NR2C2: variants seen among roughly 807,000 people sequenced by gnomAD.
NR2C2 encodes Nuclear hormone receptor TR4.
NR2C2 carries 6 observed loss-of-function variants against 62.9 expected under a neutral mutation model. The observed-to-expected ratio is 0.10, with a 90% CI of 0.05 to 0.19. The LOEUF (loss-of-function observed/expected upper bound fraction) is 0.19. Ranked by LOEUF, NR2C2 falls within the 10% of genes least tolerant of loss-of-function variation. The pLI, the probability that NR2C2 is intolerant of heterozygous loss-of-function variation, is 1.00. For synonymous variants in NR2C2, 272 were observed against 273.8 expected, an observed-to-expected ratio of 0.99 and a Z score of 0.07; for missense variants, 479 against 762.7, an observed-to-expected ratio of 0.63 and a Z score of 4.38.
At chr3:14,951,988 C>T (rs553680387) in intron 1 of NR2C2, among the ~76,000 whole-genome samples, 13 of 152,278 alleles carry the variant, frequency 8.5e-5, no homozygotes, top group Non-Finnish European at 1.3e-4. Flanking sequence ...CCTCGTGATC[C>T]GCCTGCCTCG....
rs545088918 is a variant in NR2C2, at chr3:15,008,942, C to T, written c.73-4647C>T. Among the ~76,000 whole-genome samples the T allele has an allele frequency of 1.1e-3, 169 of 152,180 alleles. 1 individual carries two copies. The highest frequency in any genetic ancestry group is 2.2e-3 in the Non-Finnish European group (148 of 67,982). On this transcript the variant is annotated intron_variant, in intron 2 of 13. Transcript: ENST00000425241. ...GACTATAATAAATATGGTACTTGGT[C>T]GGGCGCGGCGGCTAGTGCCTATAAT...
intron 1 of NR2C2, among the ~76,000 whole-genome samples, chr3:14,981,750 G>A (rs1434628034): frequency 1.3e-5 from 2 of 152,104 alleles, no homozygotes; most frequent in African/African-American, 4.8e-5. Context: ...GCCTTCAGTC[G>A]GTGGCCAAAG....
At chr3:14,990,404 A>G (rs1190417351) in intron 1 of NR2C2, among the ~76,000 whole-genome samples, 1 of 152,236 alleles carries the variant, frequency 6.6e-6, no homozygotes, top group African/African-American at 2.4e-5. Context: ...TTATTAGACA[A>G]ACTGTTTCAG....
At chr3:14,981,590 G>A (rs372986939) in intron 1 of NR2C2, among the ~76,000 whole-genome samples, 62 of 136,468 alleles carry the variant, frequency 4.5e-4, no homozygotes, top group African/African-American at 1.1e-3. Context: ...GCGACAGAGC[G>A]AGGCTCTGTC....
At chr3:14,969,994 G>C (rs1450110623) in intron 1 of NR2C2, among the ~76,000 whole-genome samples, 2 of 152,114 alleles carry the variant, frequency 1.3e-5, no homozygotes, top group Non-Finnish European at 2.9e-5. Context: ...CACTAGGACT[G>C]AATTTGATTA....
At chr3:15,021,028 T>G (rs780032671) in intron 5 of NR2C2, 96 bp downstream of exon 5, 26 of 1,233,380 alleles carry the variant, frequency 2.1e-5, no homozygotes, top group Non-Finnish European at 2.9e-5. Flanking sequence ...CTTAAAATAC[T>G]TTAAGAAAAA....
intron 1 of NR2C2, among the ~76,000 whole-genome samples, chr3:14,984,662 G>C (rs2040466969): frequency 6.6e-6 from 1 of 152,294 alleles, no homozygotes; most frequent in East Asian, 1.9e-4. Context: ...TGTATCCATT[G>C]TATAGATATG....
rs1575051349 is a variant in NR2C2 at position 15,042,564 on chromosome 3, C to T, written c.1617-270C>T. The T allele has an allele frequency of 1.5e-5, 5 of 329,306 alleles. No individual in the cohort carries two copies. In the East Asian group the frequency reaches 2.5e-4, roughly 17 times the overall value. The allele number at this position is 329,306 out of a possible 1,614,324, so 20.4% of individuals were successfully genotyped here. On this transcript the variant is annotated intron_variant, in intron 13 of 13. Coordinates refer to ENST00000425241, the MANE Select transcript of NR2C2 (RefSeq NM_001291694.2). Reference sequence around the variant, plus strand: ...AGTCTGTCCTCTGTTGATGAATTTCCAGGTTTTCTCTTGGTGGTGGGGGTG... The same window carrying T: ...AGTCTGTCCTCTGTTGATGAATTTCTAGGTTTTCTCTTGGTGGTGGGGGTG...
At chr3:15,026,384 A>C (rs905436778) in intron 7 of NR2C2, 4 of 152,192 alleles carry the variant, frequency 2.6e-5, no homozygotes, top group African/African-American at 9.7e-5. Context: ...TGTATAATGT[A>C]GTGGTTTTTG....
rs1559285977 is a variant in NR2C2, at chr3:15,005,436, C to CA, written c.72+1453dup. On this transcript the variant is annotated intron_variant, in intron 2 of 13. Transcript: ENST00000425241. Reference sequence around the variant, plus strand: ...TTCACCATGTTGCCAAGGTGGGTCTCAAACTCCTGAGCTCAAGCAATCCAC... The same window carrying CA: ...TTCACCATGTTGCCAAGGTGGGTCTCAAAACTCCTGAGCTCAAGCAATCCAC... 3.7e-5 allele frequency among the ~76,000 whole-genome samples: 5 copies of CA among 135,080 alleles called. No individual in the cohort carries two copies. In the South Asian group the frequency reaches 9.9e-4, roughly 27 times the overall value. 88.6% of individuals were successfully genotyped at this position (135,080 alleles called of 152,430 possible). A position where few individuals can be genotyped will look rare whatever the true frequency, so the allele number is the denominator to read the frequency against.
chr3:15,033,639 CTTTTTTTTTTT>C (rs58524753), intron 10 of NR2C2, among the ~76,000 whole-genome samples: 2 of 84,828 alleles, frequency 2.4e-5, no homozygotes, highest in Non-Finnish European at 4.4e-5. Context: ...TAACCTCAGG[CTTTTTTTTTTT>C]TTTTTTTTTT....
intron 1 of NR2C2, among the ~76,000 whole-genome samples, chr3:14,985,690 C>T (rs190768841): frequency 1.3e-5 from 2 of 152,228 alleles, no homozygotes; most frequent in East Asian, 1.9e-4. Flanking sequence ...TTTTTACTCT[C>T]ATATTTTATA....
In NR2C2 at chr3:15,030,287, C is replaced by G. The variant is rs758323208; in HGVS notation, c.945C>G (p.Thr315=). The change falls in exon 9 of 14, where the codon ACC becomes ACG. Residue 315 remains threonine (T), a synonymous_variant. Coordinates refer to ENST00000425241, the MANE Select transcript of NR2C2 (RefSeq NM_001291694.2). The part of the protein sequence containing the change: ...SASEITRAFD[T]LAKALNTTDS... Reference sequence around the variant, plus strand: ...TTTTTGCTCACAGGGCATTTGATACCTTAGCTAAAGCACTTAATACCACAG... The same window carrying G: ...TTTTTGCTCACAGGGCATTTGATACGTTAGCTAAAGCACTTAATACCACAG... The G allele has an allele frequency of 6.2e-7, 1 of 1,610,240 alleles. No individual in the cohort carries two copies. The highest frequency in any genetic ancestry group is 1.7e-5 in the Admixed American group (1 of 58,914).
rs149466021 is a variant in NR2C2 at position 14,985,132 on chromosome 3, T to C, written c.-39-18744T>C. Among the ~76,000 whole-genome samples, 232 of 152,302 alleles carry C rather than the reference T, an allele frequency of 1.5e-3. 2 individuals carry two copies. Among genetic ancestry groups the C allele is most frequent in the Non-Finnish European group, 2.4e-3 (160 of 68,006 alleles). ...TTTGCCTATTATTAAAATTGAGTTATTTCTTTTCTTGAGTTTTGGGAGTTC... is the reference window on the plus strand; with the variant it reads ...TTTGCCTATTATTAAAATTGAGTTACTTCTTTTCTTGAGTTTTGGGAGTTC... On this transcript the variant is annotated intron_variant, in intron 1 of 13. Transcript: ENST00000425241.
chr3:15,003,764 C>A, intron 1 of NR2C2, 112 bp from the exon 2 acceptor site: 1 of 669,428 alleles, frequency 1.5e-6, no homozygotes, highest in Non-Finnish European at 2.7e-6. Context: ...TACCTCAGAA[C>A]CATACAAGTT....
chr3:14,984,618 G>A (rs2040465561), intron 1 of NR2C2, among the ~76,000 whole-genome samples: 1 of 152,104 alleles, frequency 6.6e-6, no homozygotes, highest in Non-Finnish European at 1.5e-5. Context: ...CATCCGTATT[G>A]TTGCATATAT....
At chr3:14,948,756 G>A (rs556197877) in intron 1 of NR2C2, 1 of 152,402 alleles carries the variant, frequency 6.6e-6, no homozygotes, top group South Asian at 2.1e-4. Flanking sequence ...TCCACGATGC[G>A]CTCTCGTGGG....
At chr3:14,964,317 G>C (rs978089327) in intron 1 of NR2C2, among the ~76,000 whole-genome samples, 1 of 152,296 alleles carries the variant, frequency 6.6e-6, no homozygotes, top group African/African-American at 2.4e-5. Flanking sequence ...TGGTGAATCA[G>C]TGAGTGATGG....
At chr3:14,958,221 G>C (rs1427766087) in intron 1 of NR2C2, among the ~76,000 whole-genome samples, 6 of 151,282 alleles carry the variant, frequency 4.0e-5, no homozygotes, top group Non-Finnish European at 7.4e-5. Flanking sequence ...TCTCCTCCTT[G>C]TTGTTGTTAA....
Sources: gnomAD v4.1 joint callset for allele counts (sites outside exome capture counted in the v4.1 genomes callset) on GRCh38, gnomAD v4.1.1 for gene constraint, MANE v1.5 for transcripts, NCBI Gene and HGNC (gene_info 2026-07-23, HGNC 2026-07-21) for gene names.